Variants in SEC24C observed in about 807,000 individuals in gnomAD.
SEC24C encodes the protein SEC24 homolog C, COPII component.
Under a neutral mutation model 117.0 loss-of-function variants are expected in SEC24C, and 22 were observed. The observed-to-expected ratio is 0.19, with a 90% confidence interval of 0.13 to 0.27. The LOEUF is 0.27. Among genes scored for constraint, SEC24C ranks in the 10% least tolerant of loss-of-function variants. SEC24C has a pLI of 1.00. For missense variants in SEC24C, 1,155 were observed against 1,375.1 expected (o/e 0.84, Z 2.53); for synonymous variants, 506 against 529.4 (o/e 0.96, Z 0.61).
intron 15 of SEC24C, 75 bp downstream of exon 15, chr10:73,768,082 A>G: frequency 7.2e-7 from 1 of 1,398,222 alleles, no homozygotes; most frequent in Non-Finnish European, 9.8e-7. Context: ...TGGCTGACTC[A>G]TTAATAGAAA....
At chr10:73,759,880 C>T (rs1273541373) in intron 4 of SEC24C, 86 bp downstream of exon 4, 7 of 1,483,724 alleles carry the variant, frequency 4.7e-6, no homozygotes, top group East Asian at 2.3e-5. Context: ...CTTTTATTTC[C>T]CTTGTATTTC....
chr10:73,753,773 GTCTTCTT>G (rs2082674451), intron 3 of SEC24C, among the ~76,000 whole-genome samples: 1 of 152,194 alleles, frequency 6.6e-6, no homozygotes, highest in Non-Finnish European at 1.5e-5. Context: ...CTCCACCTCT[GTCTTCTT>G]TTTCTTAGTA....
At chr10:73,745,585 A>G (rs2082534665) in intron 1 of SEC24C, among the ~76,000 whole-genome samples, 1 of 151,208 alleles carries the variant, frequency 6.6e-6, no homozygotes, top group Admixed American at 6.6e-5. Flanking sequence ...GTCTTGCTCT[A>G]TTGCTCAGGC....
At chr10:73,756,899 A>ATTTTTTTTTT (rs1172846982) in intron 3 of SEC24C, among the ~76,000 whole-genome samples, 1 of 41,898 alleles carries the variant, frequency 2.4e-5, no homozygotes, top group African/African-American at 1.0e-4. Context: ...TTCCTGGCCA[A>ATTTTTTTTTT]TTTTTTTTTT....
intron 5 of SEC24C, 120 bp downstream of exon 5, chr10:73,760,506 C>A: frequency 7.7e-7 from 1 of 1,291,254 alleles, no homozygotes; most frequent in Non-Finnish European, 1.1e-6. Context: ...AGATGGGTAG[C>A]TTCAGGGTAT....
Position 73,769,066 on chromosome 10 carries a change from C to G in SEC24C, c.2338C>G (p.Leu780Val), listed in dbSNP as rs755478601. 2 of 1,614,206 alleles carry G rather than the reference C, an allele frequency of 1.2e-6. No individual in the cohort carries two copies. The highest frequency in any genetic ancestry group is 2.2e-5 in the South Asian group (2 of 91,080). Reference sequence around the variant, plus strand: ...CATGAGCAACACGACAGATGTGGAGCTGGCTGGGCTAGATGGGGACAAAAC... The same window carrying G: ...CATGAGCAACACGACAGATGTGGAGGTGGCTGGGCTAGATGGGGACAAAAC... Reference protein sequence around the residue: ...FYMSNTTDVELAGLDGDKTVT... With the variant: ...FYMSNTTDVEVAGLDGDKTVT... The change falls in exon 17 of 23, where the codon CTG becomes GTG. Residue 780 changes from leucine to valine, a missense_variant. By Grantham distance (32) the Leu-to-Val change is conservative. Around this residue, in one of 2 missense-constraint regions of SEC24C, gnomAD observed 759 missense variants for 992.3 expected, o/e 0.76. Coordinates refer to ENST00000345254, the MANE Select transcript of SEC24C (RefSeq NM_198597.3). This position sits in a 1 kb window ranked among gnomAD's most constrained non-coding sequence, Gnocchi z 4.5.
chr10:73,762,011 AG>A lies in SEC24C; in HGVS notation c.987+1165del, dbSNP rs2082804560. The A allele has an allele frequency of 3.4e-6, 3 of 886,754 alleles. No homozygotes were observed. The South Asian group carries it at 4.1e-5, about 12-fold the overall frequency. 54.9% of individuals were successfully genotyped at this position (886,754 alleles called of 1,614,324 possible). A position where few individuals can be genotyped will look rare whatever the true frequency, so the allele number is the denominator to read the frequency against. ...TCCAGCTGTTCATGTCTAACTCAAC[AG>A]GGTTGAGAGAAGTAACATCTGCCTC... On this transcript the variant is annotated intron_variant, in intron 6 of 22. Transcript: ENST00000345254.
At chr10:73,762,673 C>T (rs1015674122) in intron 6 of SEC24C, among the ~76,000 whole-genome samples, 7 of 152,170 alleles carry the variant, frequency 4.6e-5, no homozygotes, top group South Asian at 4.1e-4. Flanking sequence ...GTCTTTTTGA[C>T]TCTGATATAT....
At chr10:73,750,980 T>C in intron 2 of SEC24C, 128 bp from the exon 3 acceptor site, 1 of 991,152 alleles carries the variant, frequency 1.0e-6, no homozygotes, top group African/African-American at 1.6e-5. Context: ...TAGTGTCCTT[T>C]TCACTGCCTA....
chr10:73,754,400 G>A (rs1187223650), intron 3 of SEC24C, among the ~76,000 whole-genome samples: 2 of 152,154 alleles, frequency 1.3e-5, no homozygotes, highest in Admixed American at 1.3e-4. Flanking sequence ...GGGCGACAGA[G>A]TGAGACTTCG....
At chr10:73,759,415 G>A (rs1294372526) in intron 3 of SEC24C, among the ~76,000 whole-genome samples, 1 of 152,178 alleles carries the variant, frequency 6.6e-6, no homozygotes, top group Non-Finnish European at 1.5e-5. Context: ...TTTGTGGAGT[G>A]AGCTTAATGG....
At chr10:73,757,359 A>AT (rs1364760890) in intron 3 of SEC24C, among the ~76,000 whole-genome samples, 3 of 133,128 alleles carry the variant, frequency 2.3e-5, no homozygotes, top group Non-Finnish European at 5.0e-5. Flanking sequence ...TCCTGTCGCT[A>AT]TAAAAAAAAA....
intron 15 of SEC24C, among the ~76,000 whole-genome samples, chr10:73,768,350 C>T (rs1049089070): frequency 2.6e-5 from 4 of 152,152 alleles, no homozygotes; most frequent in African/African-American, 9.7e-5. Context: ...GCACTCCAGC[C>T]AGAGCGACAG....
chr10:73,770,355 A>C lies in SEC24C; in HGVS notation c.2938A>C (p.Ile980Leu). 1 of 1,613,830 alleles carries C rather than the reference A, an allele frequency of 6.2e-7. No individual in the cohort carries two copies. The highest frequency in any genetic ancestry group is 1.1e-5 in the South Asian group (1 of 91,048). The change falls in exon 21 of 23, where the codon ATA (isoleucine) becomes CTA (leucine). Residue 980 changes from isoleucine (I) to leucine (L), a missense_variant. Coordinates refer to ENST00000345254, the MANE Select transcript of SEC24C (RefSeq NM_198597.3). ...ASEERLSNGDIYLLENGLNLF... is the reference protein window; with the variant it reads ...ASEERLSNGDLYLLENGLNLF... ...TGAAGAGCGTCTAAGCAATGGGGATATATATTTACTGGAGAATGGGCTCAA... is the reference window on the plus strand; with the variant it reads ...TGAAGAGCGTCTAAGCAATGGGGATCTATATTTACTGGAGAATGGGCTCAA...
rs1457093684 is a variant in SEC24C, at chr10:73,746,793, T to C, written c.-28-12T>C. 1.3e-6 allele frequency: 2 copies of C among 1,546,860 alleles called. No individual in the cohort carries two copies. Among genetic ancestry groups the C allele is most frequent in the Non-Finnish European group, 1.8e-6 (2 of 1,140,040 alleles). On this transcript the variant is annotated splice_polypyrimidine_tract_variant and intron_variant, in intron 1 of 22. Transcript: ENST00000345254. ...AAAGTTCATTTTGACTAATTTCTCC[T>C]CTCTCTCACAGGTGAGATCAAATTG...
chr10:73,759,603 G>C lies in SEC24C; in HGVS notation c.309-19G>C. On this transcript the variant is annotated intron_variant, in intron 3 of 22. Coordinates refer to ENST00000345254, the MANE Select transcript of SEC24C (RefSeq NM_198597.3). ...TGTCCTGGCCCCACTAGTCACCTCTGCTTGCTTTCTTTTCACAGGCTGCCT... is the reference window on the plus strand; with the variant it reads ...TGTCCTGGCCCCACTAGTCACCTCTCCTTGCTTTCTTTTCACAGGCTGCCT... 6.7e-7 allele frequency: 1 copy of C among 1,496,730 alleles called. No homozygotes were observed. The highest frequency in any genetic ancestry group is 8.9e-7 in the Non-Finnish European group (1 of 1,124,006). The allele number at this position is 1,496,730 out of a possible 1,614,324, so 92.7% of individuals were successfully genotyped here.
At chr10:73,760,433 C>G in intron 5 of SEC24C, 47 bp downstream of exon 5, 1 of 1,512,228 alleles carries the variant, frequency 6.6e-7, no homozygotes, top group Non-Finnish European at 8.8e-7. Context: ...GCTTCAGCTA[C>G]TCAGGTGGTT....
At position 73,766,169 on chromosome 10, in the gene SEC24C, C is replaced by T. The variant is rs2082880336; in HGVS notation, c.1566C>T (p.Leu522=). 6.2e-7 allele frequency: 1 copy of T among 1,613,888 alleles called. No homozygotes were observed. Among genetic ancestry groups the T allele is most frequent in the Non-Finnish European group, 8.5e-7 (1 of 1,179,984 alleles). Residue 522 remains leucine, a synonymous_variant, in exon 11 of 23, where the codon CTC becomes CTT. Coordinates refer to ENST00000345254, the MANE Select transcript of SEC24C (RefSeq NM_198597.3). ...CCATCAGGACTGGTCTTGTTAGGCTCCTCTGTGAGGAGCTCAAGTCACTGT... is the reference window on the plus strand; with the variant it reads ...CCATCAGGACTGGTCTTGTTAGGCTTCTCTGTGAGGAGCTCAAGTCACTGT... The part of the protein sequence containing the change: ...YNAIRTGLVR[L]LCEELKSLLD...
intron 7 of SEC24C, 68 bp downstream of exon 7, chr10:73,763,669 T>C (rs2082832897): frequency 3.2e-6 from 1 of 316,320 alleles, no homozygotes; most frequent in South Asian, 8.8e-5. Context: ...GGTTGGGGCT[T>C]TTTTTTTTTT....
Sources: gnomAD v4.1 joint callset for allele counts (sites outside exome capture counted in the v4.1 genomes callset) on GRCh38, gnomAD v4.1.1 for gene constraint, gnomAD v4.1.1 regional missense constraint, Gnocchi (gnomAD v3.1) non-coding constraint, MANE v1.5 for transcripts, NCBI Gene and HGNC (gene_info 2026-07-23, HGNC 2026-07-21) for gene names.